The following FDFT1 variants were observed in gnomAD, a reference collection of about 807,000 sequenced individuals.
FDFT1 encodes squalene synthase.
In FDFT1, 68 loss-of-function variants were observed where a neutral mutation model predicts 46.8. That is an observed-to-expected ratio of 1.45 (90% CI 1.19 to 1.78). The LOEUF (loss-of-function observed/expected upper bound fraction) is 1.78, where lower values mean the gene tolerates loss of function less well. Ranked by LOEUF, FDFT1 falls within the 40% of genes most tolerant of loss-of-function variation. The pLI, the probability that FDFT1 is intolerant of heterozygous loss-of-function variation, is 0.00. For synonymous variants in FDFT1, 351 were observed against 185.1 expected, an observed-to-expected ratio of 1.90 and a Z score of -7.28; for missense variants, 928 against 524.4, an observed-to-expected ratio of 1.77 and a Z score of -7.52.
intron 7 of FDFT1, among the ~76,000 whole-genome samples, chr8:11,833,057 G>A (rs986071307): frequency 2.0e-5 from 3 of 152,136 alleles, no homozygotes; most frequent in Non-Finnish European, 2.9e-5. Flanking sequence ...AATGCTGTAT[G>A]TCCAGAACTT....
At chr8:11,817,770 C>A (rs557049434) in intron 3 of FDFT1, among the ~76,000 whole-genome samples, 1 of 151,310 alleles carries the variant, frequency 6.6e-6, no homozygotes, top group South Asian at 2.1e-4. Context: ...TTCTTGCTAG[C>A]GGTCTATCAA....
intron 5 of FDFT1, among the ~76,000 whole-genome samples, chr8:11,827,319 C>G (rs1393696726): frequency 2.0e-5 from 3 of 151,750 alleles, no homozygotes; most frequent in Non-Finnish European, 4.4e-5. Context: ...GCTGAAAGAG[C>G]AAAAATAAAA....
chr8:11,802,402 C>T (rs13252798), upstream of FDFT1: 8 of 457,264 alleles, frequency 1.7e-5, no homozygotes, highest in Middle Eastern at 3.2e-4. Context: ...CCTGCGCATC[C>T]TAAGCCCCAC....
chr8:11,820,593 T>A (rs1585936961), intron 3 of FDFT1, among the ~76,000 whole-genome samples: 1 of 152,126 alleles, frequency 6.6e-6, no homozygotes, highest in Admixed American at 6.5e-5. Flanking sequence ...GCGCTTCCCC[T>A]CACCAAGCTC....
At chr8:11,825,735 C>T (rs1037968898) in intron 4 of FDFT1, among the ~76,000 whole-genome samples, 5 of 151,282 alleles carry the variant, frequency 3.3e-5, no homozygotes, top group African/African-American at 9.7e-5. Flanking sequence ...TAGTTTTTTT[C>T]AGTAGCCTTT....
At chr8:11,796,136 T>C (rs1000873174) in intron 1 of FDFT1, 1 of 152,140 alleles carries the variant, frequency 6.6e-6, no homozygotes, top group East Asian at 1.9e-4. Flanking sequence ...AAATGCCTCC[T>C]AAATGCTAGG....
intron 7 of FDFT1, among the ~76,000 whole-genome samples, chr8:11,837,038 C>G (rs1811633982): frequency 6.6e-6 from 1 of 152,234 alleles, no homozygotes; most frequent in African/African-American, 2.4e-5. Context: ...AATAGGGTGG[C>G]TCCTGGCTGA....
chr8:11,823,098 T>C (rs1428666467), intron 4 of FDFT1, among the ~76,000 whole-genome samples: 3 of 152,090 alleles, frequency 2.0e-5, no homozygotes, highest in African/African-American at 7.2e-5. Flanking sequence ...GTAACTACAG[T>C]GCATGACACC....
chr8:11,802,152 C>T, upstream of FDFT1: 1 of 451,546 alleles, frequency 2.2e-6, no homozygotes, highest in Admixed American at 2.4e-5. Context: ...GTGTGGGGCT[C>T]CCTGGGGCTG....
intron 2 of FDFT1, chr8:11,809,196 A>G (rs1377935665): frequency 1.6e-6 from 2 of 1,219,688 alleles, no homozygotes; most frequent in East Asian, 8.5e-5. Flanking sequence ...GGCTTCCCTT[A>G]TCCAACTTTG....
upstream of FDFT1, among the ~76,000 whole-genome samples, chr8:11,797,329 C>T (rs1368128511): frequency 7.2e-5 from 11 of 152,184 alleles, no homozygotes; most frequent in African/African-American, 2.2e-4. Flanking sequence ...TTCGTATGTT[C>T]AGCTTCCAAG....
chr8:11,802,798 A>T lies in FDFT1; in HGVS notation c.-35A>T. The T allele has an allele frequency of 6.5e-7, 1 of 1,542,302 alleles. No individual in the cohort carries two copies. The highest frequency in any genetic ancestry group is 8.9e-7 in the Non-Finnish European group (1 of 1,125,348). On this transcript the variant is annotated 5_prime_UTR_variant, in exon 1 of 8. Transcript: ENST00000220584. ...TGAGCGCCTGGGGACCGCAGAGGTGAGAGTCGCGCCCGGGAGTCCGCCGCC... is the reference window on the plus strand; with the variant it reads ...TGAGCGCCTGGGGACCGCAGAGGTGTGAGTCGCGCCCGGGAGTCCGCCGCC...
intron 3 of FDFT1, among the ~76,000 whole-genome samples, chr8:11,815,923 T>C (rs570615075): frequency 2.6e-5 from 4 of 152,366 alleles, no homozygotes; most frequent in East Asian, 3.9e-4. Flanking sequence ...TTTGGTGTTT[T>C]AGTCATGAAG....
intron 1 of FDFT1, 31 bp from the exon 2 acceptor site, chr8:11,808,759 CGTCT>C: frequency 6.2e-7 from 1 of 1,608,352 alleles, no homozygotes; most frequent in Non-Finnish European, 8.5e-7. Flanking sequence ...TGCTCCTCGA[CGTCT>C]CCCACCGCCG....
rs1029096315 is a variant in FDFT1 at position 11,816,003 on chromosome 8, C to T, written c.382-5747C>T. The stretch of plus-strand genomic sequence containing the variant: ...TTCTAGGGTTTTTACGGTTTTAGGC[C>T]TTATATTTAAGCCTTCAGTCCATCT... On this transcript the variant is annotated intron_variant, in intron 3 of 7. Transcript: ENST00000220584. Among the ~76,000 whole-genome samples the T allele has an allele frequency of 3.3e-5, 5 of 152,236 alleles. 1 individual carries two copies. The highest frequency in any genetic ancestry group is 4.1e-4 in the South Asian group (2 of 4,824).
chr8:11,809,100 A>G (rs1269643564), intron 2 of FDFT1: 3 of 1,278,790 alleles, frequency 2.3e-6, no homozygotes, highest in Admixed American at 7.0e-5. Context: ...CCAGCCTTTC[A>G]GAGAAGAGGG....
At chr8:11,808,578 A>G (rs1807221422) in intron 1 of FDFT1, 1 of 1,385,294 alleles carries the variant, frequency 7.2e-7, no homozygotes, top group African/African-American at 1.5e-5. Context: ...CTTGGTGCTG[A>G]GTCCCGCCGC....
chr8:11,835,971 T>A (rs541449892), intron 7 of FDFT1, among the ~76,000 whole-genome samples: 11 of 64,608 alleles, frequency 1.7e-4, no homozygotes, highest in Admixed American at 7.1e-4. Context: ...CTGTCTCTAC[T>A]AAAAAAAAAA....
chr8:11,829,115 C>T (rs1810417037), intron 5 of FDFT1, among the ~76,000 whole-genome samples: 3 of 151,456 alleles, frequency 2.0e-5, no homozygotes, highest in African/African-American at 7.3e-5. Flanking sequence ...ACATTCCCGT[C>T]AGCAGTGTGA....
Sources: allele counts gnomAD v4.1 joint callset (sites outside exome capture counted in the v4.1 genomes callset), GRCh38; gene constraint gnomAD v4.1.1; transcripts MANE v1.5; gene names NCBI Gene and HGNC (gene_info 2026-07-23, HGNC 2026-07-21).